The following C1orf116 variants were observed in gnomAD, a reference collection of about 807,000 sequenced individuals.
C1orf116 encodes the protein chromosome 1 open reading frame 116.
C1orf116 carries 12 observed loss-of-function variants against 14.1 expected under a neutral mutation model. The observed-to-expected ratio is 0.85, with a 90% CI of 0.54 to 1.38. The LOEUF (loss-of-function observed/expected upper bound fraction) is 1.38, where lower values mean the gene tolerates loss of function less well. Ranked by LOEUF, C1orf116 falls within the 40% of genes most tolerant of loss-of-function variation. The pLI is 0.00. For synonymous variants in C1orf116, 296 were observed against 299.0 expected (o/e 0.99, Z 0.10); for missense variants, 797 against 747.0 (o/e 1.07, Z -0.78).
chr1:207,022,955 G>C lies in C1orf116; in HGVS notation c.809C>G (p.Pro270Arg). The stretch of plus-strand genomic sequence containing the variant: ...AGCATCTTCAGCTCTTGCATTCTGA[G>C]GCAACCCTGCAGGAGGAGGCTGGGG... ...TQPQPPPAGLPQNARAEDAPL... is the reference protein window; with the variant it reads ...TQPQPPPAGLRQNARAEDAPL... The change falls in exon 4 of 4, where the codon CCT becomes CGT. Residue 270 changes from proline to arginine, a missense_variant. Pro to Arg is a moderately radical substitution (Grantham distance 103, BLOSUM62 -2). Transcript: ENST00000359470. 6.2e-7 allele frequency: 1 copy of C among 1,614,146 alleles called. No homozygotes were observed. Among genetic ancestry groups the C allele is most frequent in the Non-Finnish European group, 8.5e-7 (1 of 1,180,018 alleles).
chr1:207,024,751 G>C, intron 3 of C1orf116, 136 bp downstream of exon 3: 1 of 1,096,316 alleles, frequency 9.1e-7, no homozygotes, highest in Non-Finnish European at 1.3e-6. Context: ...AGCCAGGAGA[G>C]TGGTGAGGAG....
chr1:207,024,872 G>A lies in C1orf116; in HGVS notation c.283+15C>T. 1.2e-6 allele frequency: 2 copies of A among 1,603,562 alleles called. No individual in the cohort carries two copies. Among genetic ancestry groups the A allele is most frequent in the Non-Finnish European group, 1.7e-6 (2 of 1,171,118 alleles). Reference sequence around the variant, plus strand: ...TGGGTTTTGCTGGGGTTCCACCCCAGAGGGTCTGCCTTACCCCGGGGAGTG... The same window carrying A: ...TGGGTTTTGCTGGGGTTCCACCCCAAAGGGTCTGCCTTACCCCGGGGAGTG... On this transcript the variant is annotated intron_variant, in intron 3 of 3. Transcript: ENST00000359470.
In C1orf116 at chr1:207,022,107, C is replaced by G. The variant is rs765417586; in HGVS notation, c.1657G>C (p.Glu553Gln). ...TAGGACAGGCGCTTGGAGCTCTGCT[C>G]CTGCTCCAGGTCAGCCAGCTTGCCT... ...QVGKLADLEQEQSSKRLSYQG... is the reference protein window; with the variant it reads ...QVGKLADLEQQQSSKRLSYQG... The change falls in exon 4 of 4, where the codon GAG becomes CAG. Residue 553 changes from glutamate (E) to glutamine (Q), a missense_variant. Transcript: ENST00000359470. The G allele has an allele frequency of 4.3e-6, 7 of 1,612,726 alleles. No homozygotes were observed. The highest frequency in any genetic ancestry group is 5.9e-6 in the Non-Finnish European group (7 of 1,179,050).
chr1:207,028,941 C>G (rs1682163970), intron 1 of C1orf116, among the ~76,000 whole-genome samples: 1 of 152,204 alleles, frequency 6.6e-6, no homozygotes, highest in African/African-American at 2.4e-5. Context: ...TTTCATCTTT[C>G]CAACCCTCCC....
At position 207,022,084 on chromosome 1, in the gene C1orf116, G is replaced by A; in HGVS notation, c.1680C>T (p.Ser560=). The part of the protein sequence containing the change: ...LEQEQSSKRL[S]YQGQSRDKLP... Reference sequence around the variant, plus strand: ...GCTTGTCACGGCTCTGTCCTTGGTAGGACAGGCGCTTGGAGCTCTGCTCCT... The same window carrying A: ...GCTTGTCACGGCTCTGTCCTTGGTAAGACAGGCGCTTGGAGCTCTGCTCCT... Residue 560 remains serine, a synonymous_variant, in exon 4 of 4, where the codon TCC becomes TCT. Coordinates refer to ENST00000359470, the MANE Select transcript of C1orf116 (RefSeq NM_023938.6). 1 of 1,612,098 alleles carries A rather than the reference G, an allele frequency of 6.2e-7. No homozygotes were observed. Among genetic ancestry groups the A allele is most frequent in the Admixed American group, 1.7e-5 (1 of 59,828 alleles).
At chr1:207,030,541 G>A (rs1296964781) in intron 1 of C1orf116, among the ~76,000 whole-genome samples, 3 of 152,200 alleles carry the variant, frequency 2.0e-5, no homozygotes, top group Non-Finnish European at 4.4e-5. Context: ...TGTCTTTAGG[G>A]ATTACATAAT....
At chr1:207,027,265 G>T (rs560682403) in intron 2 of C1orf116, among the ~76,000 whole-genome samples, 3 of 152,078 alleles carry the variant, frequency 2.0e-5, no homozygotes, top group African/African-American at 7.2e-5. Context: ...GAAAATCGGC[G>T]GAAAAAGTCT....
chr1:207,028,982 G>A (rs753241085), intron 1 of C1orf116, among the ~76,000 whole-genome samples: 6 of 152,106 alleles, frequency 3.9e-5, no homozygotes, highest in Admixed American at 6.5e-5. Context: ...AGAAGAAAAC[G>A]TGATCTATTT....
intron 2 of C1orf116, among the ~76,000 whole-genome samples, chr1:207,027,249 C>T (rs756216371): frequency 3.3e-5 from 5 of 152,210 alleles, no homozygotes; most frequent in African/African-American, 4.8e-5. Context: ...CAACCCCCAA[C>T]CTAATGAAAA....
chr1:207,025,195 G>A (rs186295297), intron 2 of C1orf116, 131 bp from the exon 3 acceptor site: 11 of 668,576 alleles, frequency 1.6e-5, no homozygotes, highest in Admixed American at 1.5e-4. Context: ...GAACCACCCT[G>A]CAGAGAGGAA....
chr1:207,024,861 G>T (rs374331010), intron 3 of C1orf116, 26 bp downstream of exon 3: 78 of 1,597,002 alleles, frequency 4.9e-5, no homozygotes, highest in Non-Finnish European at 6.6e-5. Flanking sequence ...TTTTGCTGGG[G>T]TTCCACCCCA....
rs545546346 is a variant in C1orf116 at position 207,023,126 on chromosome 1, C to A, written c.638G>T (p.Arg213Met). Residue 213 changes from arginine (R) to methionine (M), a missense_variant, in exon 4 of 4, where the codon AGG becomes ATG. Transcript: ENST00000359470. ...TGGCCCCTCGGGCAGGCTGGCTTCCCTACACTGCTCTGGCTGGGTGTCCCG... is the reference window on the plus strand; with the variant it reads ...TGGCCCCTCGGGCAGGCTGGCTTCCATACACTGCTCTGGCTGGGTGTCCCG... Reference protein sequence around the residue: ...AFRDTQPEQCREASLPEGPGQ... With the variant: ...AFRDTQPEQCMEASLPEGPGQ... 3 of 1,612,860 alleles carry A rather than the reference C, an allele frequency of 1.9e-6. No homozygotes were observed. In the African/African-American group the frequency reaches 4.0e-5, roughly 22 times the overall value.
rs566170023 is a variant in C1orf116, at chr1:207,024,760, A to G, written c.283+127T>C. On this transcript the variant is annotated intron_variant, in intron 3 of 3. Coordinates refer to ENST00000359470, the MANE Select transcript of C1orf116 (RefSeq NM_023938.6). Reference sequence around the variant, plus strand: ...TGTTCTAGCCAGGAGAGTGGTGAGGAGTGTGGCTACACCTTCTTCTGCCTG... The same window carrying G: ...TGTTCTAGCCAGGAGAGTGGTGAGGGGTGTGGCTACACCTTCTTCTGCCTG... 2.0e-5 allele frequency: 24 copies of G among 1,173,386 alleles called. 1 individual carries two copies. In the East Asian group the frequency reaches 3.3e-4, roughly 16 times the overall value. The allele number at this position is 1,173,386 out of a possible 1,614,324, so 72.7% of individuals were successfully genotyped here.
intron 2 of C1orf116, among the ~76,000 whole-genome samples, chr1:207,026,405 T>G (rs557614879): frequency 5.9e-5 from 9 of 152,354 alleles, no homozygotes; most frequent in African/African-American, 2.2e-4. Context: ...TGATTCACTT[T>G]GAAAACCTTT....
intron 1 of C1orf116, among the ~76,000 whole-genome samples, chr1:207,031,037 T>G (rs1397992550): frequency 6.6e-6 from 1 of 152,152 alleles, no homozygotes; most frequent in Non-Finnish European, 1.5e-5. Context: ...CCCAGGTCCC[T>G]CTCATCCTCC....
Position 207,022,930 on chromosome 1 carries a change from A to T in C1orf116, c.834T>A (p.Ala278=), listed in dbSNP as rs1202426668. Residue 278 remains alanine (A), a synonymous_variant, in exon 4 of 4, where the codon GCT becomes GCA. Coordinates refer to ENST00000359470, the MANE Select transcript of C1orf116 (RefSeq NM_023938.6). The stretch of plus-strand genomic sequence containing the variant: ...TTGGGTCCTCCCCTGATGAGAGGGG[A>T]GCATCTTCAGCTCTTGCATTCTGAG... ...GLPQNARAED[A]PLSSGEDPNS... is the part of the protein sequence containing the mutation. 6.2e-7 allele frequency: 1 copy of T among 1,613,908 alleles called. No homozygotes were observed. The highest frequency in any genetic ancestry group is 8.5e-7 in the Non-Finnish European group (1 of 1,179,960).
intron 2 of C1orf116, among the ~76,000 whole-genome samples, 155 bp from the exon 3 acceptor site, chr1:207,025,219 G>A (rs1430729638): frequency 6.6e-6 from 1 of 152,184 alleles, no homozygotes; most frequent in Non-Finnish European, 1.5e-5. Flanking sequence ...ATGCTGAAGA[G>A]CTGGAAACCT....
intron 1 of C1orf116, among the ~76,000 whole-genome samples, chr1:207,029,760 C>G (rs572392339): frequency 1.3e-5 from 2 of 152,240 alleles, no homozygotes; most frequent in South Asian, 4.1e-4. Context: ...TAATAATAGG[C>G]GCTGGTGTTA....
rs1397215376 is a variant in C1orf116, at chr1:207,022,251, T to C, written c.1513A>G (p.Thr505Ala). ...GAGCCCTTTCCCAGAGAAGTGCTGG[T>C]TTTGGGGCTGGCATCTTTCTCAGTT... ...LSTEKDASPK[T>A]STSLGKGSFL... The change falls in exon 4 of 4, where the codon ACC (threonine) becomes GCC (alanine). Residue 505 changes from threonine (T) to alanine (A), a missense_variant. Coordinates refer to ENST00000359470, the MANE Select transcript of C1orf116 (RefSeq NM_023938.6). The C allele has an allele frequency of 6.2e-7, 1 of 1,613,812 alleles. No homozygotes were observed. Among genetic ancestry groups the C allele is most frequent in the Non-Finnish European group, 8.5e-7 (1 of 1,179,908 alleles).
Sources: gnomAD v4.1 joint callset for allele counts (sites outside exome capture counted in the v4.1 genomes callset) on GRCh38, gnomAD v4.1.1 for gene constraint, MANE v1.5 for transcripts, NCBI Gene and HGNC (gene_info 2026-07-23, HGNC 2026-07-21) for gene names.